AMBRA1: variants seen among roughly 807,000 people sequenced by gnomAD.
AMBRA1 encodes the protein activating molecule in BECN1-regulated autophagy protein 1.
A neutral mutation model predicts 125.4 loss-of-function variants in AMBRA1; 47 were observed. The observed-to-expected ratio is 0.37, with a 90% CI of 0.30 to 0.48. The LOEUF is 0.48. AMBRA1 is among the 20% of genes least tolerant of loss of function. AMBRA1 has a pLI of 0.99. For synonymous variants in AMBRA1, 626 were observed against 655.5 expected, an observed-to-expected ratio of 0.95 and a Z score of 0.69; for missense variants, 1,331 against 1,693.4, an observed-to-expected ratio of 0.79 and a Z score of 3.76.
At chr11:46,479,100 AGGCCGG>A (rs1180432636) in intron 11 of AMBRA1, among the ~76,000 whole-genome samples, 2 of 152,124 alleles carry the variant, frequency 1.3e-5, no homozygotes, top group Non-Finnish European at 2.9e-5. Flanking sequence ...TGGGAGGCTG[AGGCCGG>A]GGAATCACTT....
At chr11:46,576,362 A>G (rs2043961325) in intron 1 of AMBRA1, among the ~76,000 whole-genome samples, 1 of 152,132 alleles carries the variant, frequency 6.6e-6, no homozygotes, top group Non-Finnish European at 1.5e-5. Context: ...TCCTGGGCTC[A>G]AGAGATCCTC....
chr11:46,437,434 T>C (rs1947777314), intron 12 of AMBRA1, among the ~76,000 whole-genome samples: 1 of 152,202 alleles, frequency 6.6e-6, no homozygotes, highest in African/African-American at 2.4e-5. Context: ...TTGTAACAGC[T>C]TCTCCGGTAG....
intron 1 of AMBRA1, among the ~76,000 whole-genome samples, chr11:46,575,278 T>C (rs2043917369): frequency 6.6e-6 from 1 of 151,846 alleles, no homozygotes; most frequent in South Asian, 2.1e-4. Context: ...ACCAACATGG[T>C]GTAATCCCAT....
intron 8 of AMBRA1, among the ~76,000 whole-genome samples, chr11:46,512,231 C>T (rs564970670): frequency 6.6e-6 from 1 of 152,208 alleles, no homozygotes; most frequent in Non-Finnish European, 1.5e-5. Context: ...ACTCCTTCTT[C>T]GGTCGTCTCT....
chr11:46,466,915 CTTTTTTCTTTTTT>C (rs1949353384), intron 11 of AMBRA1, among the ~76,000 whole-genome samples: 2 of 100,414 alleles, frequency 2.0e-5, no homozygotes, highest in Non-Finnish European at 3.5e-5. Context: ...TTTTTCTTTT[CTTTTTTCTTTTTT>C]TTTTTTTTGA....
chr11:46,592,059 C>A (rs577363846), intron 1 of AMBRA1, among the ~76,000 whole-genome samples: 2 of 150,448 alleles, frequency 1.3e-5, no homozygotes, highest in South Asian at 4.2e-4. Context: ...GATTCTCCTG[C>A]CTCAGCCTCC....
chr11:46,510,333 T>C (rs1050335586), intron 8 of AMBRA1, among the ~76,000 whole-genome samples: 12 of 152,216 alleles, frequency 7.9e-5, no homozygotes, highest in Non-Finnish European at 1.0e-4. Context: ...GAATCCTAAA[T>C]TTTCAACCAA....
In AMBRA1 at chr11:46,397,537, G is replaced by A. The variant is rs145195351; in HGVS notation, c.3810C>T (p.Cys1270=). The change falls in exon 18 of 18, where the codon TGC becomes TGT. Residue 1270 remains cysteine (C), a synonymous_variant. Transcript: ENST00000683756. ...GAAGGTGGTTGTTATTGGTCAACTCGCAGTGGAGGGTTGGTCCCTCAGCGC... is the reference window on the plus strand; with the variant it reads ...GAAGGTGGTTGTTATTGGTCAACTCACAGTGGAGGGTTGGTCCCTCAGCGC... ...LPSAEGPTLH[C]ELTNNNHLLD... The A allele has an allele frequency of 1.4e-5, 21 of 1,548,730 alleles. No homozygotes were observed. The African/African-American group carries it at 1.6e-4, about 12-fold the overall frequency.
At chr11:46,417,457 A>G (rs1346174486) in intron 15 of AMBRA1, among the ~76,000 whole-genome samples, 1 of 152,246 alleles carries the variant, frequency 6.6e-6, no homozygotes, top group East Asian at 1.9e-4. Flanking sequence ...GAGATCGGCT[A>G]TTAGAGATCA....
In AMBRA1 at chr11:46,439,342, A is replaced by G. The variant is rs942200217; in HGVS notation, c.2632+4146T>C. Among the ~76,000 whole-genome samples the G allele has an allele frequency of 2.0e-5, 3 of 152,176 alleles. No individual in the cohort carries two copies. The East Asian group carries it at 5.8e-4, about 29-fold the overall frequency. On this transcript the variant is annotated intron_variant, in intron 12 of 17. Transcript: ENST00000683756. ...TAAACTCACGTGGAACTTTCAAATG[A>G]ATAATCAGACAGATCACTAGAACAG...
chr11:46,440,726 T>C (rs1183147450), intron 12 of AMBRA1, among the ~76,000 whole-genome samples: 1 of 152,228 alleles, frequency 6.6e-6, no homozygotes, highest in African/African-American at 2.4e-5. Context: ...ACTGGACATG[T>C]GGCCTATAAG....
At chr11:46,423,945 T>C (rs1336760363) in intron 14 of AMBRA1, among the ~76,000 whole-genome samples, 1 of 151,642 alleles carries the variant, frequency 6.6e-6, no homozygotes, top group Non-Finnish European at 1.5e-5. Context: ...GTATTTTTAG[T>C]AGAGATGGGG....
In AMBRA1 at chr11:46,548,450, A is replaced by C; in HGVS notation, c.-70T>G. The C allele has an allele frequency of 6.3e-7, 1 of 1,594,222 alleles. No homozygotes were observed. Among genetic ancestry groups the C allele is most frequent in the Non-Finnish European group, 8.5e-7 (1 of 1,170,720 alleles). On this transcript the variant is annotated 5_prime_UTR_variant, in exon 2 of 18. Coordinates refer to ENST00000683756, the MANE Select transcript of AMBRA1 (RefSeq NM_001387011.1). ...GCAAGTAACAGCTCCAACACACTGA[A>C]GCAGCTAAAATGAGGCCATACAGGT...
intron 15 of AMBRA1, among the ~76,000 whole-genome samples, chr11:46,412,156 T>C (rs1013529335): frequency 6.6e-6 from 1 of 152,212 alleles, no homozygotes; most frequent in Non-Finnish European, 1.5e-5. Context: ...CTTTGGGGAA[T>C]TGGTTCCAAG....
intron 1 of AMBRA1, among the ~76,000 whole-genome samples, chr11:46,560,187 A>G (rs954878258): frequency 6.6e-6 from 1 of 152,232 alleles, no homozygotes; most frequent in Non-Finnish European, 1.5e-5. Context: ...CCAAAATCCC[A>G]GAAATAAACT....
intron 13 of AMBRA1, among the ~76,000 whole-genome samples, chr11:46,434,071 C>T (rs1176676172): frequency 1.4e-5 from 2 of 142,744 alleles, no homozygotes; most frequent in Admixed American, 7.3e-5. Context: ...GCTGAGATCA[C>T]GCCATTACAT....
intron 11 of AMBRA1, among the ~76,000 whole-genome samples, chr11:46,467,539 C>G (rs1949380113): frequency 6.7e-6 from 1 of 149,516 alleles, no homozygotes; most frequent in Non-Finnish European, 1.5e-5. Flanking sequence ...TACTGTTACT[C>G]TATGTTACTC....
At chr11:46,419,057 AC>A (rs1197557431) in intron 14 of AMBRA1, among the ~76,000 whole-genome samples, 2 of 152,200 alleles carry the variant, frequency 1.3e-5, no homozygotes, top group Non-Finnish European at 1.5e-5. Flanking sequence ...CAATGTTAAA[AC>A]TGCTATTGTT....
chr11:46,590,397 T>C (rs1160966250), intron 1 of AMBRA1, among the ~76,000 whole-genome samples: 9 of 151,896 alleles, frequency 5.9e-5, no homozygotes, highest in East Asian at 3.9e-4. Context: ...GTTCCAGCTA[T>C]TGGGGAGGGC....
Sources: gnomAD v4.1 joint callset for allele counts (sites outside exome capture counted in the v4.1 genomes callset) on GRCh38, gnomAD v4.1.1 for gene constraint, MANE v1.5 for transcripts, NCBI Gene and HGNC (gene_info 2026-07-23, HGNC 2026-07-21) for gene names.